SLC24A3: variants seen among roughly 807,000 people sequenced by gnomAD.
SLC24A3 encodes solute carrier family 24 member 3.
SLC24A3 carries 28 observed loss-of-function variants against 75.8 expected under a neutral mutation model. The ratio of observed to expected loss-of-function variants is 0.37; its 90% confidence interval spans 0.27 to 0.51. The LOEUF (loss-of-function observed/expected upper bound fraction) is 0.51, where lower values mean the gene tolerates loss of function less well. Ranked by LOEUF, SLC24A3 falls within the 20% of genes least tolerant of loss-of-function variation. SLC24A3 has a pLI of 0.94. For synonymous variants in SLC24A3, 372 were observed against 334.1 expected (o/e 1.11, Z -1.24); for missense variants, 663 against 847.8 (o/e 0.78, Z 2.71).
intron 15 of SLC24A3, among the ~76,000 whole-genome samples, chr20:19,701,784 A>C (rs1458790174): frequency 2.0e-5 from 3 of 152,148 alleles, no homozygotes; most frequent in African/African-American, 7.2e-5. Flanking sequence ...CCCTCTGTTG[A>C]GGACTAGAAG....
intron 2 of SLC24A3, among the ~76,000 whole-genome samples, chr20:19,491,595 A>AC (rs920132125): frequency 2.2e-4 from 33 of 151,700 alleles, no homozygotes; most frequent in African/African-American, 7.0e-4. Context: ...ACATTCTGGC[A>AC]CCCCCCATAC....
intron 2 of SLC24A3, among the ~76,000 whole-genome samples, chr20:19,349,235 G>A (rs1197278194): frequency 2.0e-5 from 3 of 152,074 alleles, no homozygotes. Context: ...CTACAGAATC[G>A]CTCCCTCAAG....
intron 1 of SLC24A3, among the ~76,000 whole-genome samples, chr20:19,272,356 C>A (rs572809224): frequency 1.3e-5 from 2 of 152,162 alleles, no homozygotes; most frequent in African/African-American, 4.8e-5. Context: ...TGCACTGTGC[C>A]GGGAACTTTG....
intron 2 of SLC24A3, among the ~76,000 whole-genome samples, chr20:19,514,512 G>A (rs897010220): frequency 6.6e-6 from 1 of 152,182 alleles, no homozygotes; most frequent in Admixed American, 6.5e-5. Context: ...AGCTGGTGAT[G>A]TCTGCCCATG....
intron 2 of SLC24A3, among the ~76,000 whole-genome samples, chr20:19,410,697 A>T (rs76198552): frequency 0.01 from 1,537 of 152,332 alleles, 32 homozygotes; most frequent in African/African-American, 0.035. Context: ...CTGGCACATA[A>T]TAGGTGCTCA....
Position 19,517,959 on chromosome 20 carries a change from G to A in SLC24A3, c.348+2395G>A, listed in dbSNP as rs569561884. Among the ~76,000 whole-genome samples the A allele has an allele frequency of 2.0e-5, 3 of 152,250 alleles. No individual in the cohort carries two copies. The South Asian group carries it at 6.2e-4, about 32-fold the overall frequency. On this transcript the variant is annotated intron_variant, in intron 3 of 16. Coordinates refer to ENST00000328041, the MANE Select transcript of SLC24A3 (RefSeq NM_020689.4). ...TGTTATCCTACCCACTAGAATATAA[G>A]CCCCTACCACCAGAATGTAAGCCCC...
chr20:19,539,890 GCTT>G (rs760792540), intron 3 of SLC24A3, among the ~76,000 whole-genome samples: 35 of 152,184 alleles, frequency 2.3e-4, no homozygotes, highest in Non-Finnish European at 4.7e-4. Flanking sequence ...TGTGTGTTCA[GCTT>G]CTTCTTAGCC....
At chr20:19,291,182 G>A (rs1983933688) in intron 2 of SLC24A3, among the ~76,000 whole-genome samples, 1 of 152,184 alleles carries the variant, frequency 6.6e-6, no homozygotes, top group Non-Finnish European at 1.5e-5. Flanking sequence ...CACATCTCCC[G>A]GCTGCTCTCT....
chr20:19,567,630 C>A (rs1297424402), intron 3 of SLC24A3, among the ~76,000 whole-genome samples: 22 of 152,100 alleles, frequency 1.4e-4, no homozygotes, highest in Non-Finnish European at 1.5e-5. Flanking sequence ...ATGTAACAAG[C>A]CTGCACATCT....
At chr20:19,491,339 C>A (rs1019299917) in intron 2 of SLC24A3, among the ~76,000 whole-genome samples, 3 of 152,234 alleles carry the variant, frequency 2.0e-5, no homozygotes, top group African/African-American at 7.2e-5. Flanking sequence ...TAGTCTGTAA[C>A]TAACCTCTTC....
chr20:19,525,798 C>T (rs1018469952), intron 3 of SLC24A3, among the ~76,000 whole-genome samples: 1 of 152,164 alleles, frequency 6.6e-6, no homozygotes, highest in African/African-American at 2.4e-5. Flanking sequence ...TGTGCCCACC[C>T]CTAGGCTTCA....
At chr20:19,230,669 GT>G (rs1981996833) in intron 1 of SLC24A3, among the ~76,000 whole-genome samples, 1 of 133,098 alleles carries the variant, frequency 7.5e-6, no homozygotes. Context: ...GATGGGGGGG[GT>G]GCCCTTTACA....
chr20:19,322,204 A>G lies in SLC24A3; in HGVS notation c.271+41117A>G, dbSNP rs1984723753. 2.6e-5 allele frequency among the ~76,000 whole-genome samples: 4 copies of G among 151,990 alleles called. No homozygotes were observed. The South Asian group carries it at 8.3e-4, about 31-fold the overall frequency. On this transcript the variant is annotated intron_variant, in intron 2 of 16. Transcript: ENST00000328041. The stretch of plus-strand genomic sequence containing the variant: ...CCCTCTGTGGCTTTAGTATCCTTGG[A>G]TCATCCTCTCCTAGATCTTTATTAT...
chr20:19,492,088 G>C (rs1476565731), intron 2 of SLC24A3, among the ~76,000 whole-genome samples: 1 of 152,188 alleles, frequency 6.6e-6, no homozygotes, highest in Non-Finnish European at 1.5e-5. Flanking sequence ...AGATACCCAG[G>C]TTGTTCACTG....
intron 2 of SLC24A3, among the ~76,000 whole-genome samples, chr20:19,287,222 C>G (rs1273259123): frequency 6.6e-6 from 1 of 152,206 alleles, no homozygotes; most frequent in African/African-American, 2.4e-5. Flanking sequence ...TATCTTTAGG[C>G]CTTTCCCTCC....
chr20:19,280,383 G>A (rs1292460950), intron 1 of SLC24A3, among the ~76,000 whole-genome samples: 2 of 152,146 alleles, frequency 1.3e-5, no homozygotes, highest in Admixed American at 1.3e-4. Flanking sequence ...AGATCCTGAT[G>A]TATGTTCAAT....
chr20:19,558,447 TGACGTCTACA>T lies in SLC24A3; in HGVS notation c.349-21549_349-21540del, dbSNP rs541295903. Among the ~76,000 whole-genome samples the T allele has an allele frequency of 4.2e-3, 640 of 152,260 alleles. 2 individuals are homozygous for T. The highest frequency in any genetic ancestry group is 0.014 in the African/African-American group (600 of 41,554). ...AGTGCAATTATCAAGATCACAAATT[TGACGTCTACA>T]GACATTTTTAAACTTCACCAGTTTT... On this transcript the variant is annotated intron_variant, in intron 3 of 16. Transcript: ENST00000328041.
intron 2 of SLC24A3, among the ~76,000 whole-genome samples, chr20:19,468,364 A>C (rs1466002563): frequency 6.6e-6 from 1 of 152,082 alleles, no homozygotes. Flanking sequence ...AAGCTCTCAA[A>C]AAGCCAAGGG....
chr20:19,354,171 A>G (rs1484333747), intron 2 of SLC24A3, among the ~76,000 whole-genome samples: 1 of 152,228 alleles, frequency 6.6e-6, no homozygotes, highest in African/African-American at 2.4e-5. Flanking sequence ...CCTCACAGAC[A>G]TCATACTATT....
Sources: allele counts gnomAD v4.1 joint callset (sites outside exome capture counted in the v4.1 genomes callset), GRCh38; gene constraint gnomAD v4.1.1; transcripts MANE v1.5; gene names NCBI Gene and HGNC (gene_info 2026-07-23, HGNC 2026-07-21).